Variants in GALNT13 observed in about 807,000 individuals in gnomAD.
The protein encoded by GALNT13 is polypeptide N-acetylgalactosaminyltransferase 13.
GALNT13 carries 28 observed loss-of-function variants against 64.2 expected under a neutral mutation model. The ratio of observed to expected loss-of-function variants is 0.44; its 90% CI spans 0.32 to 0.60. GALNT13 has a LOEUF of 0.60. GALNT13 is among the 20% of genes least tolerant of loss of function. The probability of loss-of-function intolerance (pLI) is 0.05; values close to 1 mark genes in which losing one functional copy is unlikely to be tolerated. For synonymous variants in GALNT13, 214 were observed against 224.6 expected (o/e 0.95, Z 0.42); for missense variants, 577 against 669.8 (o/e 0.86, Z 1.53).
At chr2:153,434,693 A>T in the GALNT13 span, among the ~76,000 whole-genome samples, 55 of 151,906 alleles carry the variant, frequency 3.6e-4, no homozygotes, top group Non-Finnish European at 4.6e-4. Flanking sequence ...TTTTTCTTGT[A>T]AATTTGTTTG....
chr2:153,546,660 G>A, the GALNT13 span, among the ~76,000 whole-genome samples: 1 of 152,170 alleles, frequency 6.6e-6, no homozygotes. Context: ...CAATAAGACT[G>A]TGTGCACATC....
the GALNT13 span, among the ~76,000 whole-genome samples, chr2:153,588,200 G>T: frequency 6.6e-6 from 1 of 152,206 alleles, no homozygotes; most frequent in Non-Finnish European, 1.5e-5. Context: ...AAGGGTAAAA[G>T]ATGTCAGTGA....
intron 4 of GALNT13, among the ~76,000 whole-genome samples, chr2:154,191,783 AGG>A (rs1686592863): frequency 1.3e-5 from 2 of 152,088 alleles, no homozygotes; most frequent in Admixed American, 6.5e-5. Context: ...GGCAGTGTCT[AGG>A]GGTGAATGTT....
intron 3 of GALNT13, among the ~76,000 whole-genome samples, chr2:153,961,121 G>A (rs1466261273): frequency 6.6e-6 from 1 of 152,152 alleles, no homozygotes; most frequent in Non-Finnish European, 1.5e-5. Context: ...CTTTACTCAT[G>A]TAGTATAAGT....
chr2:154,443,354 T>G (rs888045747), intron 12 of GALNT13, among the ~76,000 whole-genome samples: 1 of 152,098 alleles, frequency 6.6e-6, no homozygotes, highest in East Asian at 1.9e-4. Flanking sequence ...AGATCATAAT[T>G]AATGTTTTGA....
At chr2:154,338,217 CTGAGT>C (rs1177178692) in intron 9 of GALNT13, among the ~76,000 whole-genome samples, 1 of 152,088 alleles carries the variant, frequency 6.6e-6, no homozygotes, top group African/African-American at 2.4e-5. Flanking sequence ...AAAGTAGAAG[CTGAGT>C]TAATTCCTGC....
chr2:154,122,154 C>G (rs965090336), intron 3 of GALNT13, among the ~76,000 whole-genome samples: 1 of 151,916 alleles, frequency 6.6e-6, no homozygotes, highest in African/African-American at 2.4e-5. Flanking sequence ...ATTCATGTTT[C>G]AAATGTTGAA....
At chr2:153,871,655 C>A (rs1454292238), upstream of GALNT13, among the ~76,000 whole-genome samples, 1 of 152,182 alleles carries the variant, frequency 6.6e-6, no homozygotes, top group Non-Finnish European at 1.5e-5. Flanking sequence ...TCTTGGGGGC[C>A]GTGCCTGCCA....
the GALNT13 span, among the ~76,000 whole-genome samples, chr2:153,270,905 A>G: frequency 2.0e-5 from 3 of 152,170 alleles, no homozygotes; most frequent in Non-Finnish European, 4.4e-5. Context: ...TAGCACATCA[A>G]AAAGCTTATC....
the GALNT13 span, among the ~76,000 whole-genome samples, chr2:153,102,696 C>G: frequency 2.0e-5 from 3 of 152,144 alleles, no homozygotes; most frequent in Admixed American, 1.3e-4. Flanking sequence ...CCCGAAACAG[C>G]TATTACTTAT....
At chr2:154,221,332 T>C (rs916998815) in intron 4 of GALNT13, among the ~76,000 whole-genome samples, 9 of 152,182 alleles carry the variant, frequency 5.9e-5, no homozygotes, top group Non-Finnish European at 1.2e-4. Flanking sequence ...ATTTTTAAAG[T>C]GAATGATCCT....
At chr2:153,183,141 T>G in the GALNT13 span, among the ~76,000 whole-genome samples, 2 of 152,214 alleles carry the variant, frequency 1.3e-5, no homozygotes, top group Non-Finnish European at 2.9e-5. Context: ...CAGCATCTGT[T>G]GTTCTTTGAC....
the GALNT13 span, among the ~76,000 whole-genome samples, chr2:153,361,666 T>G: frequency 2.6e-5 from 4 of 151,768 alleles, no homozygotes; most frequent in Non-Finnish European, 5.9e-5. Context: ...GCAGACAAGA[T>G]TTTAGAAAAA....
At chr2:154,230,571 G>A (rs552195436) in intron 4 of GALNT13, among the ~76,000 whole-genome samples, 4 of 152,062 alleles carry the variant, frequency 2.6e-5, no homozygotes, top group African/African-American at 4.8e-5. Flanking sequence ...TCATTTTTAC[G>A]TGCTAGATAA....
rs76397417 is a variant in GALNT13 at position 154,241,481 on chromosome 2, G to C, written c.312-549G>C. Reference sequence around the variant, plus strand: ...AACATAGGGAAATTTTAGAGGCCAGGATGCATTTAGTAGATTCTGAATCTA... The same window carrying C: ...AACATAGGGAAATTTTAGAGGCCAGCATGCATTTAGTAGATTCTGAATCTA... On this transcript the variant is annotated intron_variant, in intron 4 of 12. Coordinates refer to ENST00000392825, the MANE Select transcript of GALNT13 (RefSeq NM_052917.4). Among the ~76,000 whole-genome samples, 1,470 of 152,290 alleles carry C rather than the reference G, an allele frequency of 9.7e-3. 9 individuals carry two copies. The highest frequency in any genetic ancestry group is 0.014 in the Non-Finnish European group (965 of 68,018).
the GALNT13 span, among the ~76,000 whole-genome samples, chr2:153,209,237 C>T: frequency 6.6e-6 from 1 of 152,050 alleles, no homozygotes; most frequent in Non-Finnish European, 1.5e-5. Flanking sequence ...GCCTCGGCCT[C>T]CCAAAGTGCT....
chr2:153,140,034 G>A, the GALNT13 span, among the ~76,000 whole-genome samples: 3 of 151,916 alleles, frequency 2.0e-5, no homozygotes, highest in African/African-American at 7.2e-5. Context: ...AAGCAATAGG[G>A]TGGAAAAGTG....
the GALNT13 span, among the ~76,000 whole-genome samples, chr2:153,667,864 G>T: frequency 1.9e-4 from 29 of 152,228 alleles, no homozygotes; most frequent in African/African-American, 6.5e-4. Context: ...TCAACTGTAT[G>T]CTGTCTTCAA....
At chr2:153,224,333 G>A in the GALNT13 span, among the ~76,000 whole-genome samples, 2 of 151,836 alleles carry the variant, frequency 1.3e-5, no homozygotes, top group African/African-American at 2.4e-5. Context: ...GAGAAGGGGG[G>A]AAGGGGGTGG....
Sources: gnomAD v4.1 joint callset for allele counts (sites outside exome capture counted in the v4.1 genomes callset) on GRCh38, gnomAD v4.1.1 for gene constraint, MANE v1.5 for transcripts, NCBI Gene and HGNC (gene_info 2026-07-23, HGNC 2026-07-21) for gene names.